Variants in PXK observed in about 807,000 individuals in gnomAD.
PXK encodes the protein PX domain-containing protein kinase-like protein.
Under a neutral mutation model 84.7 loss-of-function variants are expected in PXK, and 35 were observed. The observed-to-expected ratio is 0.41, with a 90% confidence interval of 0.32 to 0.55. The LOEUF (loss-of-function observed/expected upper bound fraction) is 0.55, where lower values mean the gene tolerates loss of function less well. PXK is among the 20% of genes least tolerant of loss of function. The pLI is 0.21. For missense variants in PXK, 634 were observed against 699.7 expected (o/e 0.91, Z 1.06); for synonymous variants, 253 against 260.8 (o/e 0.97, Z 0.29).
chr3:58,418,331 T>C (rs565144972), intron 17 of PXK, among the ~76,000 whole-genome samples: 1 of 152,348 alleles, frequency 6.6e-6, no homozygotes, highest in Non-Finnish European at 1.5e-5. Flanking sequence ...CATTTTACAG[T>C]TGAAACTGAC....
Position 58,403,918 on chromosome 3 carries a change from CA to C in PXK, c.1230+10del, listed in dbSNP as rs1399632462. ...GAAAAACCACAGTTTAAGGTAAAGACAATTATATCGTTTTTTGGTTTGTGAC... is the reference window on the plus strand; with the variant it reads ...GAAAAACCACAGTTTAAGGTAAAGACATTATATCGTTTTTTGGTTTGTGAC... On this transcript the variant is annotated intron_variant, in intron 13 of 17. Coordinates refer to ENST00000356151, the MANE Select transcript of PXK (RefSeq NM_017771.5). The C allele has an allele frequency of 2.7e-6, 4 of 1,490,640 alleles. No homozygotes were observed. Among genetic ancestry groups the C allele is most frequent in the Non-Finnish European group, 3.6e-6 (4 of 1,101,706 alleles). The allele number at this position is 1,490,640 out of a possible 1,614,324, so 92.3% of individuals were successfully genotyped here. A position where few individuals can be genotyped will look rare whatever the true frequency, so the allele number is the denominator to read the frequency against.
chr3:58,419,546 C>A (rs925795640), intron 17 of PXK, among the ~76,000 whole-genome samples: 6 of 152,240 alleles, frequency 3.9e-5, no homozygotes, highest in Admixed American at 6.5e-5. Flanking sequence ...AGCCACCACA[C>A]CCAGCCAAGT....
chr3:58,338,842 C>T (rs1409644927), intron 1 of PXK, among the ~76,000 whole-genome samples: 1 of 151,686 alleles, frequency 6.6e-6, no homozygotes, highest in African/African-American at 2.4e-5. Flanking sequence ...ACCACCACAC[C>T]CGGCTAATTT....
At chr3:58,378,506 T>TGTG (rs1217085532) in intron 3 of PXK, among the ~76,000 whole-genome samples, 52 of 66,446 alleles carry the variant, frequency 7.8e-4, no homozygotes, top group African/African-American at 2.8e-3. Context: ...TTTTTTTTTT[T>TGTG]TTTTTTTGTG....
chr3:58,416,510 A>G lies in PXK; in HGVS notation c.1528+3547A>G, dbSNP rs189668262. On this transcript the variant is annotated intron_variant, in intron 17 of 17. Transcript: ENST00000356151. The surrounding 1 kb of genome is among the most constrained non-coding windows in gnomAD (Gnocchi z 4.8). ...CTCTCTGTACAGCTTTCCTTCTTCTAGGGTATGGGGCGTGTGTAGGAGATG... is the reference window on the plus strand; with the variant it reads ...CTCTCTGTACAGCTTTCCTTCTTCTGGGGTATGGGGCGTGTGTAGGAGATG... Among the ~76,000 whole-genome samples the G allele has an allele frequency of 1.4e-4, 21 of 152,202 alleles. No homozygotes were observed. Among genetic ancestry groups the G allele is most frequent in the Admixed American group, 1.2e-3 (19 of 15,292 alleles).
chr3:58,418,370 G>A (rs547256462), intron 17 of PXK, among the ~76,000 whole-genome samples: 2 of 152,288 alleles, frequency 1.3e-5, no homozygotes, highest in East Asian at 1.9e-4. Flanking sequence ...GACTTTGACC[G>A]AGGTCACACA....
intron 17 of PXK, among the ~76,000 whole-genome samples, chr3:58,419,380 T>C (rs554399108): frequency 2.6e-4 from 40 of 152,336 alleles, no homozygotes; most frequent in African/African-American, 9.4e-4. Flanking sequence ...GCCTCCCAGG[T>C]AGCTGGGATT....
rs1451583616 is a variant in PXK at position 58,378,492 on chromosome 3, C to CTTCT, written c.202-4020_202-4019insCTTT. 4.5e-3 allele frequency among the ~76,000 whole-genome samples: 110 copies of CTTCT among 24,306 alleles called. 21 individuals carry two copies. The highest frequency in any genetic ancestry group is 0.013 in the African/African-American group (93 of 7,130). 15.9% of individuals were successfully genotyped at this position (24,306 alleles called of 152,430 possible). On this transcript the variant is annotated intron_variant, in intron 3 of 17. Coordinates refer to ENST00000356151, the MANE Select transcript of PXK (RefSeq NM_017771.5). The stretch of plus-strand genomic sequence containing the variant: ...ATTGGATTTGGACTTCATTTTTCTT[C>CTTCT]TTTTTTTTTTTTTTTTTTTTTGTGT...
chr3:58,343,662 G>A (rs1233998787), intron 1 of PXK, among the ~76,000 whole-genome samples: 1 of 152,158 alleles, frequency 6.6e-6, no homozygotes, highest in African/African-American at 2.4e-5. Flanking sequence ...TTTGAGGCTT[G>A]TTTTATTTTT....
At position 58,409,096 on chromosome 3, in the gene PXK, A is replaced by G. The variant is rs1025461696; in HGVS notation, c.1308+95A>G. ...ACCTTTGACTGTTCCCTCTGCAAAT[A>G]TTTTAAGCATACTTACTCTCAGCCA... On this transcript the variant is annotated intron_variant, in intron 14 of 17. Transcript: ENST00000356151. The surrounding 1 kb of genome is among the most constrained non-coding windows in gnomAD (Gnocchi z 4.2). The G allele has an allele frequency of 2.0e-5, 19 of 928,330 alleles. No homozygotes were observed. The highest frequency in any genetic ancestry group is 6.7e-5 in the African/African-American group (4 of 59,878). The allele number at this position is 928,330 out of a possible 1,614,324, so 57.5% of individuals were successfully genotyped here. A position where few individuals can be genotyped will look rare whatever the true frequency, so the allele number is the denominator to read the frequency against.
intron 1 of PXK, among the ~76,000 whole-genome samples, chr3:58,334,959 C>CTCTGTG (rs1242938521): frequency 1.6e-5 from 2 of 125,550 alleles, no homozygotes; most frequent in Admixed American, 1.6e-4. Context: ...GTGTGTGTGT[C>CTCTGTG]TGTGTGTGTG....
At chr3:58,394,237 C>G (rs2098659100) in intron 7 of PXK, among the ~76,000 whole-genome samples, 1 of 152,188 alleles carries the variant, frequency 6.6e-6, no homozygotes, top group African/African-American at 2.4e-5. Flanking sequence ...TCATGATACT[C>G]CTTTGAGCTA....
Position 58,390,336 on chromosome 3 carries a change from T to C in PXK, c.389-246T>C, listed in dbSNP as rs1000962169. 6.6e-6 allele frequency among the ~76,000 whole-genome samples: 1 copy of C among 152,216 alleles called. No individual in the cohort carries two copies. The highest frequency in any genetic ancestry group is 1.5e-5 in the Non-Finnish European group (1 of 68,038). The stretch of plus-strand genomic sequence containing the variant: ...ATATTAGTAATGTTACTATTAACTA[T>C]GGGCTTTATTCAGATTTTACCAGTT... On this transcript the variant is annotated intron_variant, in intron 4 of 17. Transcript: ENST00000356151. The surrounding 1 kb of genome is among the most constrained non-coding windows in gnomAD (Gnocchi z 4.2).
intron 1 of PXK, among the ~76,000 whole-genome samples, chr3:58,345,019 C>A (rs1379411430): frequency 6.6e-6 from 1 of 152,166 alleles, no homozygotes; most frequent in Non-Finnish European, 1.5e-5. Flanking sequence ...GGAACATTAA[C>A]AGATACTTAA....
rs371768475 is a variant in PXK, at chr3:58,397,773, C to T, written c.1102+51C>T. On this transcript the variant is annotated intron_variant, in intron 11 of 17. Transcript: ENST00000356151. This position sits in a 1 kb window ranked among gnomAD's most constrained non-coding sequence, Gnocchi z 4.7. ...TCTGGGCCCTAGTAGTGTGCAGAGCCACTCATCCCCTTTCCAGAGTCCAGG... is the reference window on the plus strand; with the variant it reads ...TCTGGGCCCTAGTAGTGTGCAGAGCTACTCATCCCCTTTCCAGAGTCCAGG... 7.1e-7 allele frequency: 1 copy of T among 1,409,462 alleles called. No individual in the cohort carries two copies. The highest frequency in any genetic ancestry group is 1.0e-6 in the Non-Finnish European group (1 of 997,696). The allele number at this position is 1,409,462 out of a possible 1,614,324, so 87.3% of individuals were successfully genotyped here.
At chr3:58,408,775 G>A in intron 13 of PXK, 149 bp from the exon 14 acceptor site, 1 of 625,230 alleles carries the variant, frequency 1.6e-6, no homozygotes. Flanking sequence ...GCCCGCCTTG[G>A]CCTCTCAAAG....
chr3:58,365,736 C>T, intron 1 of PXK, 138 bp from the exon 2 acceptor site: 1 of 602,580 alleles, frequency 1.7e-6, no homozygotes, highest in East Asian at 3.2e-5. Context: ...ATGTAATGTC[C>T]CTTTCTCTCT....
intron 1 of PXK, among the ~76,000 whole-genome samples, chr3:58,349,386 C>T (rs1205589319): frequency 1.6e-4 from 22 of 140,178 alleles, no homozygotes; most frequent in Admixed American, 2.9e-4. Context: ...GACGGAGTCT[C>T]ACTCTGTCGC....
chr3:58,336,038 C>T (rs1344166633), intron 1 of PXK, among the ~76,000 whole-genome samples: 16 of 43,160 alleles, frequency 3.7e-4, no homozygotes, highest in African/African-American at 1.1e-3. Flanking sequence ...CCTTGGGAAA[C>T]ATATATATAT....
Sources: gnomAD v4.1 joint callset for allele counts (sites outside exome capture counted in the v4.1 genomes callset) on GRCh38, gnomAD v4.1.1 for gene constraint, Gnocchi (gnomAD v3.1) non-coding constraint, MANE v1.5 for transcripts, NCBI Gene and HGNC (gene_info 2026-07-23, HGNC 2026-07-21) for gene names.